The following DHRSX variants were observed in gnomAD, a reference collection of about 807,000 sequenced individuals.
The protein encoded by DHRSX is polyprenol dehydrogenase.
DHRSX carries 31 observed loss-of-function variants against 34.0 expected under a neutral mutation model. The observed-to-expected ratio is 0.91, with a 90% CI of 0.69 to 1.23. The LOEUF (loss-of-function observed/expected upper bound fraction) is 1.23. Ranked by LOEUF, DHRSX falls within the 50% of genes most tolerant of loss-of-function variation. The pLI is 0.00. For missense variants in DHRSX, 414 were observed against 428.1 expected, an observed-to-expected ratio of 0.97 and a Z score of 0.29; for synonymous variants, 201 against 183.8, an observed-to-expected ratio of 1.09 and a Z score of -0.76.
intron 3 of DHRSX, among the ~76,000 whole-genome samples, chrX:2,328,968 A>T (rs1475413457): frequency 2.4e-4 from 37 of 152,168 alleles, no homozygotes; most frequent in Non-Finnish European, 5.3e-4. Context: ...TGCACAGAGG[A>T]GGATGAGTTC....
Position 2,500,868 on chromosome X carries a change from C to T in DHRSX, c.58G>A (p.Val20Met). Reference sequence around the variant, plus strand: ...CGCCGCAGCAGCTGCGCCAGGATCACCGCGGCGCCTACCGCGTAGACCCGC... The same window carrying T: ...CGCCGCAGCAGCTGCGCCAGGATCATCGCGGCGCCTACCGCGTAGACCCGC... Reference protein sequence around the residue: ...ALRVYAVGAAVILAQLLRRCR... With the variant: ...ALRVYAVGAAMILAQLLRRCR... The change falls in exon 1 of 7, where the codon GTG becomes ATG. Residue 20 changes from valine to methionine, a missense_variant. Val to Met is a conservative substitution (Grantham distance 21, BLOSUM62 1). Transcript: ENST00000334651. The T allele has an allele frequency of 8.6e-7, 1 of 1,161,052 alleles. No homozygotes were observed. The highest frequency in any genetic ancestry group is 1.1e-6 in the Non-Finnish European group (1 of 936,002). 71.9% of individuals were successfully genotyped at this position (1,161,052 alleles called of 1,614,324 possible).
chrX:2,238,472 T>C (rs2016066711), intron 6 of DHRSX, among the ~76,000 whole-genome samples: 1 of 152,122 alleles, frequency 6.6e-6, no homozygotes, highest in Non-Finnish European at 1.5e-5. Context: ...GGATAGAGGT[T>C]TCAGAGTGAC....
At chrX:2,283,050 CAG>C (rs936477827) in intron 4 of DHRSX, among the ~76,000 whole-genome samples, 21 of 149,614 alleles carry the variant, frequency 1.4e-4, no homozygotes, top group African/African-American at 4.5e-4. Context: ...GAGAGAGAGA[CAG>C]AGAGTTACAG....
chrX:2,412,769 C>T (rs2043647977), intron 2 of DHRSX, among the ~76,000 whole-genome samples: 1 of 152,120 alleles, frequency 6.6e-6, no homozygotes, highest in Admixed American at 6.6e-5. Flanking sequence ...AACCAGAGGA[C>T]CCTATCCTGT....
At chrX:2,447,887 T>G (rs5982600) in intron 1 of DHRSX, among the ~76,000 whole-genome samples, 50,325 of 142,272 alleles carry the variant, frequency 0.35, 10,415 homozygotes, top group African/African-American at 0.51. Context: ...GAAGTGTTTG[T>G]CAAAGAACAT....
At chrX:2,287,751 T>C (rs1307111201) in intron 4 of DHRSX, among the ~76,000 whole-genome samples, 3 of 143,124 alleles carry the variant, frequency 2.1e-5, no homozygotes, top group African/African-American at 5.3e-5. Flanking sequence ...ATGTTCACAT[T>C]CTAATCCTCA....
intron 3 of DHRSX, among the ~76,000 whole-genome samples, chrX:2,401,656 C>CG (rs1443477121): frequency 3.0e-4 from 45 of 152,294 alleles, no homozygotes; most frequent in African/African-American, 1.1e-3. Flanking sequence ...CATTTGAACA[C>CG]GGCTATGCCT....
intron 3 of DHRSX, among the ~76,000 whole-genome samples, chrX:2,296,952 ACCCAGGCAGATAGAC>A (rs1327231792): frequency 1.9e-5 from 2 of 104,844 alleles, no homozygotes; most frequent in Non-Finnish European, 3.6e-5. Flanking sequence ...TAGGAATAGG[ACCCAGGCAGATAGAC>A]CCCAGGCAGA....
Position 2,341,675 on chromosome X carries a change from G to C in DHRSX, c.287-50072C>G, listed in dbSNP as rs766476946. On this transcript the variant is annotated intron_variant, in intron 3 of 6. Coordinates refer to ENST00000334651, the MANE Select transcript of DHRSX (RefSeq NM_145177.3). ...TCTTTTTTTTTTTTTTGGTGGGGGT[G>C]GGGGTAAAATAGAGGCACCATTCAA... Among the ~76,000 whole-genome samples the C allele has an allele frequency of 9.1e-5, 9 of 98,598 alleles. No individual in the cohort carries two copies. The East Asian group carries it at 2.0e-3, about 22-fold the overall frequency. The allele number at this position is 98,598 out of a possible 152,430, so 64.7% of individuals were successfully genotyped here. A position where few individuals can be genotyped will look rare whatever the true frequency, so the allele number is the denominator to read the frequency against.
chrX:2,223,013 T>C (rs1195943810), intron 6 of DHRSX, among the ~76,000 whole-genome samples: 6 of 152,002 alleles, frequency 3.9e-5, no homozygotes, highest in Non-Finnish European at 7.4e-5. Flanking sequence ...TAAAAAGAAA[T>C]GGATGGAGCT....
At chrX:2,346,814 G>A (rs909930030) in intron 3 of DHRSX, among the ~76,000 whole-genome samples, 88 of 151,138 alleles carry the variant, frequency 5.8e-4, no homozygotes, top group Non-Finnish European at 1.0e-3. Flanking sequence ...CCTACTCCCC[G>A]ACAGGCCCCA....
At chrX:2,489,954 T>C (rs769932138) in intron 1 of DHRSX, 33 of 1,613,796 alleles carry the variant, frequency 2.0e-5, no homozygotes, top group Non-Finnish European at 2.7e-5. Context: ...CCCCACTCGA[T>C]GAAGACCTCA....
chrX:2,239,102 C>A (rs1223803245), intron 6 of DHRSX, among the ~76,000 whole-genome samples: 1 of 152,076 alleles, frequency 6.6e-6, no homozygotes, highest in East Asian at 1.9e-4. Context: ...ACAATGTTGT[C>A]TCTTATATAA....
At chrX:2,276,368 T>C (rs1021680782) in intron 4 of DHRSX, among the ~76,000 whole-genome samples, 1 of 152,162 alleles carries the variant, frequency 6.6e-6, no homozygotes, top group Non-Finnish European at 1.5e-5. Flanking sequence ...TCTTCGCCAA[T>C]TCAAAGGTGG....
intron 5 of DHRSX, among the ~76,000 whole-genome samples, chrX:2,251,029 T>C (rs1269418481): frequency 6.6e-6 from 1 of 152,104 alleles, no homozygotes; most frequent in Non-Finnish European, 1.5e-5. Context: ...GCAAAAGGCA[T>C]GTTTGAATGC....
At chrX:2,232,332 A>AAACAAC (rs112253934) in intron 6 of DHRSX, among the ~76,000 whole-genome samples, 130,624 of 151,396 alleles carry the variant, frequency 0.86, 56,830 homozygotes, top group African/African-American at 0.95. Flanking sequence ...CTTGTTTTGA[A>AAACAAC]AACAACAACA....
intron 5 of DHRSX, among the ~76,000 whole-genome samples, chrX:2,259,375 G>GATATAT (rs34123441): frequency 1.5e-5 from 2 of 133,830 alleles, no homozygotes; most frequent in Non-Finnish European, 3.4e-5. Flanking sequence ...GATATATATA[G>GATATAT]ATATATATAT....
chrX:2,238,549 G>C (rs938909327), intron 6 of DHRSX, among the ~76,000 whole-genome samples: 1 of 151,780 alleles, frequency 6.6e-6, no homozygotes, highest in African/African-American at 2.4e-5. Flanking sequence ...ATTCTCCCCA[G>C]GGACCCTGGA....
intron 1 of DHRSX, among the ~76,000 whole-genome samples, chrX:2,452,632 G>A (rs1466737381): frequency 1.3e-5 from 2 of 151,616 alleles, no homozygotes; most frequent in African/African-American, 2.4e-5. Flanking sequence ...CTACGCATGC[G>A]GCCAACGGAC....
Sources: allele counts gnomAD v4.1 joint callset (sites outside exome capture counted in the v4.1 genomes callset), GRCh38; gene constraint gnomAD v4.1.1; transcripts MANE v1.5; gene names NCBI Gene and HGNC (gene_info 2026-07-23, HGNC 2026-07-21).